DNAH17: variants seen among roughly 807,000 people sequenced by gnomAD.
DNAH17 encodes dynein axonemal heavy chain 17, also known as axonemal beta dynein heavy chain 17.
Under a neutral mutation model 485.6 loss-of-function variants are expected in DNAH17, and 376 were observed. The observed-to-expected ratio is 0.77, with a 90% CI of 0.71 to 0.84. The LOEUF (loss-of-function observed/expected upper bound fraction) is 0.84, where lower values mean the gene tolerates loss of function less well. DNAH17 is among the 40% of genes least tolerant of loss of function. The pLI, the probability that DNAH17 is intolerant of heterozygous loss-of-function variation, is 0.00. For synonymous variants in DNAH17, 3,031 were observed against 2,405.9 expected, an observed-to-expected ratio of 1.26 and a Z score of -7.60; for missense variants, 6,370 against 5,839.3, an observed-to-expected ratio of 1.09 and a Z score of -2.96.
At chr17:78,518,909 C>T (rs1350176080) in intron 25 of DNAH17, among the ~76,000 whole-genome samples, 1 of 152,094 alleles carries the variant, frequency 6.6e-6, no homozygotes, top group Non-Finnish European at 1.5e-5. Context: ...TGGCTCACGC[C>T]TGTAATCCCA....
At chr17:78,447,649 A>C (rs139897502) in intron 69 of DNAH17, among the ~76,000 whole-genome samples, 127 of 152,266 alleles carry the variant, frequency 8.3e-4, no homozygotes, top group African/African-American at 2.9e-3. Flanking sequence ...AATTAGGGGG[A>C]GCACTGAGGA....
intron 74 of DNAH17, among the ~76,000 whole-genome samples, chr17:78,436,165 G>A (rs1317718795): frequency 6.6e-6 from 1 of 152,332 alleles, no homozygotes; most frequent in South Asian, 2.1e-4. Context: ...GGTGGCTCAC[G>A]CCTGTAATCC....
At chr17:78,506,139 A>AG (rs1568171602) in intron 30 of DNAH17, among the ~76,000 whole-genome samples, 1 of 46,668 alleles carries the variant, frequency 2.1e-5, no homozygotes, top group Admixed American at 2.8e-4. Flanking sequence ...TCACCTAGTT[A>AG]ATTTTTTTTT....
chr17:78,571,069 G>C (rs781047450), intron 5 of DNAH17, 36 bp from the exon 6 acceptor site: 15 of 1,539,988 alleles, frequency 9.7e-6, no homozygotes, highest in Admixed American at 7.8e-5. Flanking sequence ...ACCGGTAAGA[G>C]AGCAGAAATT....
chr17:78,450,314 C>T lies in DNAH17; in HGVS notation c.10980G>A (p.Leu3660=), dbSNP rs926458414. The change falls in exon 68 of 81, where the codon CTG becomes CTA. Residue 3660 remains leucine, a synonymous_variant. Transcript: ENST00000389840. ...NYRPAAERAS[L]LYFILNDLNK... ...TGAGATCGTTCAGTATGAAGTAGAG[C>T]AGAGATGCCCTCTCCGCAGCCGGGC... is the stretch of plus-strand genomic sequence containing the variant. 13 of 1,614,038 alleles carry T rather than the reference C, an allele frequency of 8.1e-6. No homozygotes were observed. Among genetic ancestry groups the T allele is most frequent in the Non-Finnish European group, 1.1e-5 (13 of 1,179,890 alleles).
intron 48 of DNAH17, 23 bp downstream of exon 48, chr17:78,484,845 C>CCTCCGG: frequency 6.6e-7 from 1 of 1,517,744 alleles, no homozygotes; most frequent in Non-Finnish European, 8.8e-7. Context: ...CACGCCTTCC[C>CCTCCGG]CTCCGGCCCC....
intron 17 of DNAH17, 35 bp downstream of exon 17, chr17:78,543,822 T>C (rs1392640180): frequency 3.1e-6 from 5 of 1,613,790 alleles, no homozygotes; most frequent in Admixed American, 1.7e-5. Flanking sequence ...TAAAAGCAAG[T>C]GGGTTCTCAA....
chr17:78,507,971 C>A (rs1378380088), intron 27 of DNAH17, among the ~76,000 whole-genome samples, 166 bp from the exon 28 acceptor site: 2 of 152,164 alleles, frequency 1.3e-5, no homozygotes, highest in African/African-American at 4.8e-5. Context: ...GAACCTTCAT[C>A]CCCCAATGAT....
chr17:78,546,797 T>C (rs2091775264), intron 16 of DNAH17, among the ~76,000 whole-genome samples: 1 of 152,244 alleles, frequency 6.6e-6, no homozygotes, highest in Middle Eastern at 3.4e-3. Context: ...TCCCAGCTAT[T>C]TGGGAGGCTG....
In DNAH17 at chr17:78,466,927, C is replaced by T. The variant is rs2088496287; in HGVS notation, c.8779-111G>A. 19 of 1,188,610 alleles carry T rather than the reference C, an allele frequency of 1.6e-5. No homozygotes were observed. In the South Asian group the frequency reaches 2.9e-4, roughly 18 times the overall value. The allele number at this position is 1,188,610 out of a possible 1,614,324, so 73.6% of individuals were successfully genotyped here. On this transcript the variant is annotated intron_variant, in intron 55 of 80. Transcript: ENST00000389840. Reference sequence around the variant, plus strand: ...AAGCAACGCGCCCTGCCGGGCTCAGCCGCCCAGGGCCTGGGCAGCACAGTC... The same window carrying T: ...AAGCAACGCGCCCTGCCGGGCTCAGTCGCCCAGGGCCTGGGCAGCACAGTC...
At chr17:78,520,238 G>A (rs1468562792) in intron 25 of DNAH17, among the ~76,000 whole-genome samples, 1 of 152,122 alleles carries the variant, frequency 6.6e-6, no homozygotes, top group South Asian at 2.1e-4. Context: ...AAAAGGAATA[G>A]AATTTCCTCA....
intron 69 of DNAH17, among the ~76,000 whole-genome samples, chr17:78,448,787 C>T (rs901647261): frequency 6.6e-6 from 1 of 152,176 alleles, no homozygotes. Context: ...GTTTTGTGCT[C>T]TCTCTCGCCC....
Position 78,428,621 on chromosome 17 carries a change from CAGAA to C in DNAH17, c.12488_12491del (p.Phe4163Ter), listed in dbSNP as rs766046608. The C allele has an allele frequency of 5.0e-6, 8 of 1,613,870 alleles. No individual in the cohort carries two copies. The highest frequency in any genetic ancestry group is 1.3e-5 in the African/African-American group (1 of 74,892). ...GGAACAGCTTCTCTGAGGTGACCGT[CAGAA>C]AGCCAATCTCTGCGTTGGGGTGCAG... On this transcript the variant is annotated frameshift_variant, in exon 77 of 81. Coordinates refer to ENST00000389840, the MANE Select transcript of DNAH17 (RefSeq NM_173628.4). LOFTEE classifies it high-confidence loss of function.
At chr17:78,477,915 T>TTAC (rs1568116836) in intron 51 of DNAH17, among the ~76,000 whole-genome samples, 1 of 145,094 alleles carries the variant, frequency 6.9e-6, no homozygotes, top group African/African-American at 2.7e-5. Flanking sequence ...CATTACCACA[T>TTAC]CACCATCACC....
rs1250670371 is a variant in DNAH17 at position 78,449,447 on chromosome 17, G to A, written c.11178C>T (p.Asp3726=). ...TAACTTGTGCCAGGAAAATGAGTTT[G>A]TCCCTCTCGAAGAGTCCCCGGGCCG... The part of the protein sequence containing the change: ...MYTARGLFER[D]KLIFLAQVTF... Residue 3726 remains aspartate, a synonymous_variant, in exon 69 of 81, where the codon GAC becomes GAT. Coordinates refer to ENST00000389840, the MANE Select transcript of DNAH17 (RefSeq NM_173628.4). 1 of 1,552,012 alleles carries A rather than the reference G, an allele frequency of 6.4e-7. No homozygotes were observed. Among genetic ancestry groups the A allele is most frequent in the Non-Finnish European group, 8.7e-7 (1 of 1,147,180 alleles).
In DNAH17 at chr17:78,507,740, T is replaced by G. The variant is rs1598611830; in HGVS notation, c.4302A>C (p.Thr1434=). The change falls in exon 28 of 81, where the codon ACA becomes ACC. Residue 1434 remains threonine, a synonymous_variant. Coordinates refer to ENST00000389840, the MANE Select transcript of DNAH17 (RefSeq NM_173628.4). ...MEFQHEPHPR[T]GTMMLKSSEV... ...CGCTGGACTTGAGCATCATGGTGCC[T>G]GTCCGCGGGTGCGGCTCGTGCTGGA... is the stretch of plus-strand genomic sequence containing the variant. 1.2e-6 allele frequency: 2 copies of G among 1,602,456 alleles called. No individual in the cohort carries two copies. The highest frequency in any genetic ancestry group is 4.5e-5 in the East Asian group (2 of 44,796).
intron 31 of DNAH17, among the ~76,000 whole-genome samples, chr17:78,504,660 G>A (rs1259184400): frequency 1.3e-5 from 2 of 152,126 alleles, no homozygotes; most frequent in African/African-American, 4.8e-5. Flanking sequence ...GTTGGGTAAT[G>A]AGACAGGGGA....
chr17:78,530,354 G>A lies in DNAH17; in HGVS notation c.3273C>T (p.His1091=), dbSNP rs370452983. 2.3e-5 allele frequency: 37 copies of A among 1,607,716 alleles called. No individual in the cohort carries two copies. Among genetic ancestry groups the A allele is most frequent in the South Asian group, 5.5e-5 (5 of 90,878 alleles). ...GFMFKRHLSN[H]VTNSLADLEA... ...GGCTGGGGACCCACCTGTTGGTGAC[G>A]TGGTTGCTCAGGTGCCGCTTGAACA... Residue 1091 remains histidine, a synonymous_variant, in exon 21 of 81, where the codon CAC becomes CAT. Coordinates refer to ENST00000389840, the MANE Select transcript of DNAH17 (RefSeq NM_173628.4).
chr17:78,453,266 TC>T (rs1474244361), intron 65 of DNAH17, 76 bp downstream of exon 65: 7 of 1,552,256 alleles, frequency 4.5e-6, no homozygotes, highest in Non-Finnish European at 6.1e-6. Context: ...CCGGGCGTTT[TC>T]TCTACATGCA....
Sources: gnomAD v4.1 joint callset for allele counts (sites outside exome capture counted in the v4.1 genomes callset) on GRCh38, gnomAD v4.1.1 for gene constraint, MANE v1.5 for transcripts, NCBI Gene and HGNC (gene_info 2026-07-23, HGNC 2026-07-21) for gene names.